Variants in LDLRAD4 observed in about 807,000 individuals in gnomAD.
LDLRAD4 encodes low-density lipoprotein receptor class A domain-containing protein 4.
A neutral mutation model predicts 17.0 loss-of-function variants in LDLRAD4; 5 were observed. The observed-to-expected ratio is 0.29, with a 90% CI of 0.15 to 0.62. The LOEUF (loss-of-function observed/expected upper bound fraction) is 0.62, where lower values mean the gene tolerates loss of function less well. LDLRAD4 is among the 20% of genes least tolerant of loss of function. LDLRAD4 has a pLI of 0.84. For synonymous variants in LDLRAD4, 168 were observed against 171.8 expected, an observed-to-expected ratio of 0.98 and a Z score of 0.17; for missense variants, 340 against 424.7, an observed-to-expected ratio of 0.80 and a Z score of 1.75.
At chr18:13,264,850 C>T (rs1245130922) in intron 1 of LDLRAD4, among the ~76,000 whole-genome samples, 1 of 152,218 alleles carries the variant, frequency 6.6e-6, no homozygotes. Context: ...TTCATAAAAG[C>T]GTTTCAAGTA....
intron 5 of LDLRAD4, chr18:13,644,803 G>A (rs1429834536): frequency 1.6e-5 from 5 of 304,356 alleles, no homozygotes; most frequent in African/African-American, 8.7e-5. Context: ...AGTTCCTAGT[G>A]TGTTCTGTTT....
intron 1 of LDLRAD4, among the ~76,000 whole-genome samples, chr18:13,307,346 T>G (rs1185570893): frequency 6.6e-6 from 1 of 152,184 alleles, no homozygotes; most frequent in Non-Finnish European, 1.5e-5. Flanking sequence ...AATGAAGAAC[T>G]TTATGATGGT....
chr18:13,383,715 T>G (rs1221890337), intron 1 of LDLRAD4, among the ~76,000 whole-genome samples: 1 of 152,160 alleles, frequency 6.6e-6, no homozygotes, highest in African/African-American at 2.4e-5. Flanking sequence ...GTGCTGGCCC[T>G]CAGAGTTTTC....
At chr18:13,328,037 G>A (rs1208391100) in intron 1 of LDLRAD4, among the ~76,000 whole-genome samples, 3 of 152,168 alleles carry the variant, frequency 2.0e-5, no homozygotes, top group Non-Finnish European at 1.5e-5. Context: ...ACCACCATCA[G>A]GCTCTCCTCC....
At chr18:13,498,248 G>A (rs1308368879) in intron 3 of LDLRAD4, among the ~76,000 whole-genome samples, 2 of 147,712 alleles carry the variant, frequency 1.4e-5, no homozygotes, top group Non-Finnish European at 3.0e-5. Flanking sequence ...ACGTCCTGCC[G>A]TGGACACTGG....
intron 1 of LDLRAD4, among the ~76,000 whole-genome samples, chr18:13,303,900 G>C (rs1271332425): frequency 6.6e-6 from 1 of 152,208 alleles, no homozygotes; most frequent in Non-Finnish European, 1.5e-5. Flanking sequence ...TGAAAAGAAG[G>C]AATGAGCTTC....
chr18:13,454,805 G>T (rs951128265), intron 3 of LDLRAD4, among the ~76,000 whole-genome samples: 3 of 152,220 alleles, frequency 2.0e-5, no homozygotes. Context: ...CTGATGAATG[G>T]GGATGTGTGG....
chr18:13,531,758 A>G (rs1255539892), intron 3 of LDLRAD4, among the ~76,000 whole-genome samples: 2 of 151,968 alleles, frequency 1.3e-5, no homozygotes, highest in Admixed American at 1.3e-4. Context: ...ATGGAGATGG[A>G]GAGAAAGCGC....
At chr18:13,479,079 A>G (rs993675134) in intron 3 of LDLRAD4, among the ~76,000 whole-genome samples, 2 of 152,240 alleles carry the variant, frequency 1.3e-5, no homozygotes, top group Non-Finnish European at 2.9e-5. Flanking sequence ...TGCACACACA[A>G]AAAATTGAAT....
At chr18:13,388,045 C>T (rs2085958395) in intron 2 of LDLRAD4, among the ~76,000 whole-genome samples, 1 of 152,222 alleles carries the variant, frequency 6.6e-6, no homozygotes, top group Non-Finnish European at 1.5e-5. Flanking sequence ...TCTTCCAAGT[C>T]TCTGTTCTCT....
At chr18:13,586,566 T>C (rs1396377190) in intron 3 of LDLRAD4, among the ~76,000 whole-genome samples, 2 of 151,814 alleles carry the variant, frequency 1.3e-5, no homozygotes, top group South Asian at 2.1e-4. Flanking sequence ...CACACATCCA[T>C]ATATACAAGG....
At chr18:13,401,516 G>A (rs921308495) in intron 2 of LDLRAD4, among the ~76,000 whole-genome samples, 2 of 152,168 alleles carry the variant, frequency 1.3e-5, no homozygotes, top group Non-Finnish European at 2.9e-5. Flanking sequence ...CGTGAGAGGA[G>A]CAGGTTGGGG....
intron 3 of LDLRAD4, among the ~76,000 whole-genome samples, chr18:13,594,186 A>G (rs2095063001): frequency 6.6e-6 from 1 of 152,142 alleles, no homozygotes; most frequent in Non-Finnish European, 1.5e-5. Context: ...GCTTAGAGGT[A>G]GAGCAGGTGT....
intron 2 of LDLRAD4, among the ~76,000 whole-genome samples, chr18:13,418,484 G>C (rs189549786): frequency 6.6e-6 from 1 of 152,190 alleles, no homozygotes; most frequent in Non-Finnish European, 1.5e-5. Context: ...TGAAGACTCT[G>C]GTTGTGTTTT....
chr18:13,346,574 C>G (rs2082702970), intron 1 of LDLRAD4, among the ~76,000 whole-genome samples: 1 of 152,142 alleles, frequency 6.6e-6, no homozygotes, highest in Non-Finnish European at 1.5e-5. Context: ...GTGGAGAGTT[C>G]TGTAGATGTC....
chr18:13,323,998 G>A (rs897292325), intron 1 of LDLRAD4, among the ~76,000 whole-genome samples: 1 of 151,944 alleles, frequency 6.6e-6, no homozygotes, highest in Non-Finnish European at 1.5e-5. Context: ...CTGGGAGGCA[G>A]AGGTTGCAGT....
intron 1 of LDLRAD4, among the ~76,000 whole-genome samples, chr18:13,309,954 A>G (rs769539915): frequency 1.2e-4 from 19 of 152,272 alleles, no homozygotes; most frequent in Middle Eastern, 3.4e-3. Flanking sequence ...TCTCTTAACA[A>G]TGCTTCAGGA....
intron 1 of LDLRAD4, among the ~76,000 whole-genome samples, chr18:13,242,384 A>G (rs1373136561): frequency 1.3e-5 from 2 of 152,164 alleles, no homozygotes; most frequent in East Asian, 1.9e-4. Flanking sequence ...TCAGGCCTGG[A>G]GCTGTGGCCG....
upstream of LDLRAD4, among the ~76,000 whole-genome samples, chr18:13,277,569 A>C (rs2044962617): frequency 6.6e-6 from 1 of 152,248 alleles, no homozygotes. Flanking sequence ...AGGCAGAGTC[A>C]CGAACGTTAC....
Sources: allele counts gnomAD v4.1 joint callset (sites outside exome capture counted in the v4.1 genomes callset), GRCh38; gene constraint gnomAD v4.1.1; transcripts MANE v1.5; gene names NCBI Gene and HGNC (gene_info 2026-07-23, HGNC 2026-07-21).